Variants in EEIG1 observed in about 807,000 individuals in gnomAD.
EEIG1 encodes the protein early estrogen-induced gene 1 protein.
the EEIG1 span, among the ~76,000 whole-genome samples, chr9:127,961,348 A>T: frequency 2.6e-5 from 4 of 152,152 alleles, no homozygotes; most frequent in Non-Finnish European, 5.9e-5. Context: ...ACACAGGCTC[A>T]GGCAGGGTGG....
the EEIG1 span, chr9:127,945,342 G>A: frequency 3.2e-6 from 5 of 1,546,200 alleles, no homozygotes; most frequent in African/African-American, 5.4e-5. This position sits in a 1 kb window ranked among gnomAD's most constrained non-coding sequence, Gnocchi z 6.5. Flanking sequence ...CTGTTCTCCA[G>A]GGGGCACCAA....
the EEIG1 span, among the ~76,000 whole-genome samples, chr9:127,973,141 T>G: frequency 6.6e-6 from 1 of 152,152 alleles, no homozygotes; most frequent in Admixed American, 6.5e-5. The surrounding 1 kb of genome is among the most constrained non-coding windows in gnomAD (Gnocchi z 4.2). Flanking sequence ...CTGGTTGTGC[T>G]TAAGATATTA....
chr9:127,950,289 C>T, the EEIG1 span: 9 of 839,416 alleles, frequency 1.1e-5, no homozygotes, highest in East Asian at 8.1e-5. Flanking sequence ...TTCCAGGGCT[C>T]GCCCCTTCCC....
chr9:127,973,118 G>A, the EEIG1 span, among the ~76,000 whole-genome samples: 1 of 152,128 alleles, frequency 6.6e-6, no homozygotes, highest in Admixed American at 6.5e-5. The surrounding 1 kb of genome is among the most constrained non-coding windows in gnomAD (Gnocchi z 4.2). Context: ...GGTAAGATGA[G>A]GATACATCTA....
At chr9:127,942,841 C>T in the EEIG1 span, 262,637 of 335,332 alleles carry the variant, frequency 0.78, 106,103 homozygotes, top group Non-Finnish European at 0.87. Flanking sequence ...ATTTAGGAGC[C>T]GCTGCATGTC....
chr9:127,957,606 C>T, the EEIG1 span, among the ~76,000 whole-genome samples: 1 of 152,208 alleles, frequency 6.6e-6, no homozygotes, highest in Admixed American at 6.5e-5. Flanking sequence ...ACAAGCTGAT[C>T]CTAAACTTTA....
At chr9:127,959,124 T>C in the EEIG1 span, among the ~76,000 whole-genome samples, 1 of 152,226 alleles carries the variant, frequency 6.6e-6, no homozygotes, top group South Asian at 2.1e-4. Flanking sequence ...CACAGAGTTA[T>C]GATATGACCC....
At chr9:127,945,753 C>A in the EEIG1 span, 6 of 1,559,972 alleles carry the variant, frequency 3.8e-6, no homozygotes, top group East Asian at 1.2e-4. The surrounding 1 kb of genome is among the most constrained non-coding windows in gnomAD (Gnocchi z 6.5). Context: ...CTCTGGCAGC[C>A]CTGGAAGGCA....
chr9:127,953,532 C>A, the EEIG1 span: 2 of 1,591,570 alleles, frequency 1.3e-6, no homozygotes, highest in Middle Eastern at 1.7e-4. Context: ...TCCCATGCCA[C>A]CCCCCATTCC....
the EEIG1 span, chr9:127,980,456 G>A: frequency 5.3e-6 from 1 of 188,338 alleles, no homozygotes; most frequent in Non-Finnish European, 1.1e-5. Context: ...GCGCGCGAGC[G>A]GCCGCGCTGG....
chr9:127,944,103 C>T, the EEIG1 span: 1 of 171,184 alleles, frequency 5.8e-6, no homozygotes, highest in African/African-American at 2.4e-5. Flanking sequence ...ACTCTATAAA[C>T]TGTCGTTCCC....
At chr9:127,944,523 G>T in the EEIG1 span, 1 of 880,128 alleles carries the variant, frequency 1.1e-6, no homozygotes. Flanking sequence ...GACAAGATTT[G>T]GCGTTCAAGG....
chr9:127,967,605 C>G, the EEIG1 span, among the ~76,000 whole-genome samples: 2 of 152,226 alleles, frequency 1.3e-5, no homozygotes, highest in Non-Finnish European at 1.5e-5. Flanking sequence ...ATGCCCACAG[C>G]AAACACAGAG....
chr9:127,974,032 C>T, the EEIG1 span, among the ~76,000 whole-genome samples: 2 of 152,212 alleles, frequency 1.3e-5, no homozygotes, highest in Non-Finnish European at 2.9e-5. Context: ...GACTGGCGCA[C>T]TGCAGGGGTC....
chr9:127,969,669 T>C, the EEIG1 span, among the ~76,000 whole-genome samples: 4 of 152,048 alleles, frequency 2.6e-5, no homozygotes, highest in East Asian at 1.9e-4. Context: ...CTGCTGGAGT[T>C]TGCAAGAGGC....
the EEIG1 span, among the ~76,000 whole-genome samples, chr9:127,966,900 C>G: frequency 1.3e-5 from 2 of 152,210 alleles, no homozygotes; most frequent in Admixed American, 1.3e-4. Context: ...CCAGGCCCCC[C>G]TTCAGGAACC....
the EEIG1 span, among the ~76,000 whole-genome samples, chr9:127,959,087 A>C: frequency 3.3e-5 from 5 of 152,278 alleles, no homozygotes; most frequent in African/African-American, 1.2e-4. Flanking sequence ...TTTGGAAAAC[A>C]GTATGGCAAT....
chr9:127,977,872 G>C, the EEIG1 span, among the ~76,000 whole-genome samples: 73 of 152,194 alleles, frequency 4.8e-4, 1 homozygote, highest in Non-Finnish European at 8.4e-4. Context: ...CAGTCCAGGG[G>C]TTAAGTGAGA....
chr9:127,964,694 GACAC>G, the EEIG1 span, among the ~76,000 whole-genome samples: 15 of 152,354 alleles, frequency 9.8e-5, no homozygotes, highest in South Asian at 3.1e-3. Flanking sequence ...AGTACTCAGA[GACAC>G]ACATCTCACC....
Sources: gnomAD v4.1 joint callset for allele counts (sites outside exome capture counted in the v4.1 genomes callset) on GRCh38, gnomAD v4.1.1 for gene constraint, Gnocchi (gnomAD v3.1) non-coding constraint, MANE v1.5 for transcripts, NCBI Gene and HGNC (gene_info 2026-07-23, HGNC 2026-07-21) for gene names.